The following INO80C variants were observed in gnomAD, a reference collection of about 807,000 sequenced individuals.
INO80C encodes IES6 homolog.
In INO80C, 17 loss-of-function variants were observed where a neutral mutation model predicts 17.7. That is an observed-to-expected ratio of 0.96 (90% CI 0.66 to 1.44). The LOEUF (loss-of-function observed/expected upper bound fraction) is 1.44, where lower values mean the gene tolerates loss of function less well. Among genes scored for constraint, INO80C ranks in the 40% most tolerant of loss-of-function variants. The pLI is 0.00. For synonymous variants in INO80C, 96 were observed against 95.8 expected (o/e 1.00, Z -0.01); for missense variants, 244 against 245.0 (o/e 1.00, Z 0.03).
At chr18:35,494,182 C>T (rs898569437) in intron 1 of INO80C, among the ~76,000 whole-genome samples, 4 of 152,196 alleles carry the variant, frequency 2.6e-5, no homozygotes, top group Non-Finnish European at 5.9e-5. Context: ...TTAGCTTTGG[C>T]TCAAGGTTAG....
At chr18:35,473,808 C>T (rs970828591) in intron 4 of INO80C, among the ~76,000 whole-genome samples, 4 of 152,106 alleles carry the variant, frequency 2.6e-5, no homozygotes, top group Non-Finnish European at 5.9e-5. Flanking sequence ...TTCAGTAAGA[C>T]TGGCAGAGGA....
rs537210629 is a variant in INO80C at position 35,482,116 on chromosome 18, T to C, written c.157-1553A>G. ...CTTGGGCAAATACCTAGGAGTGGAA[T>C]GGTTGGGTTATAGGGTAAGTGTATG... On this transcript the variant is annotated intron_variant, in intron 1 of 4. Coordinates refer to ENST00000334598, the MANE Select transcript of INO80C (RefSeq NM_194281.4). Among the ~76,000 whole-genome samples, 12 of 152,300 alleles carry C rather than the reference T, an allele frequency of 7.9e-5. No individual in the cohort carries two copies. In the South Asian group the frequency reaches 1.0e-3, roughly 13 times the overall value.
At chr18:35,473,443 G>A (rs2045694665) in intron 4 of INO80C, among the ~76,000 whole-genome samples, 1 of 152,168 alleles carries the variant, frequency 6.6e-6, no homozygotes, top group South Asian at 2.1e-4. Flanking sequence ...AGATTCAGGG[G>A]CTACTGAAAC....
At chr18:35,491,029 G>C (rs2045928055) in intron 1 of INO80C, among the ~76,000 whole-genome samples, 1 of 152,170 alleles carries the variant, frequency 6.6e-6, no homozygotes. Context: ...CAAAGTGCTG[G>C]GATTCCAGGT....
In INO80C at chr18:35,497,742, C is replaced by T; in HGVS notation, c.133G>A (p.Ala45Thr). 2 of 1,612,536 alleles carry T rather than the reference C, an allele frequency of 1.2e-6. No homozygotes were observed. The highest frequency in any genetic ancestry group is 1.7e-6 in the Non-Finnish European group (2 of 1,179,442). The change falls in exon 1 of 5, where the codon GCG becomes ACG. Residue 45 changes from alanine (A) to threonine (T), a missense_variant. Coordinates refer to ENST00000334598, the MANE Select transcript of INO80C (RefSeq NM_194281.4). ...GGYGASKKKK[A>T]SASSFAQGIS... ...ACCTGCGCAAAGCTGGAAGCGGACGCTTTTTTCTTCTTACTGGCGCCATAG... is the reference window on the plus strand; with the variant it reads ...ACCTGCGCAAAGCTGGAAGCGGACGTTTTTTTCTTCTTACTGGCGCCATAG...
At chr18:35,483,631 A>G (rs1229101162) in intron 1 of INO80C, 1 of 152,228 alleles carries the variant, frequency 6.6e-6, no homozygotes, top group African/African-American at 2.4e-5. Context: ...TTAACTGATC[A>G]ATGTTAAGGA....
intron 4 of INO80C, among the ~76,000 whole-genome samples, chr18:35,473,391 A>AT (rs1263355231): frequency 6.6e-6 from 1 of 152,182 alleles, no homozygotes; most frequent in Non-Finnish European, 1.5e-5. Flanking sequence ...GCCTGTGACA[A>AT]TTTCCTGACC....
chr18:35,475,282 A>G (rs1019294007), intron 4 of INO80C, among the ~76,000 whole-genome samples: 3 of 152,212 alleles, frequency 2.0e-5, no homozygotes, highest in African/African-American at 7.2e-5. Context: ...ACAACATTTA[A>G]CCACTGACAT....
At chr18:35,497,222 A>T in intron 1 of INO80C, 2 of 481,686 alleles carry the variant, frequency 4.2e-6, no homozygotes, top group Non-Finnish European at 5.4e-6. Context: ...CCCATGAGTT[A>T]AGACCAAACC....
intron 1 of INO80C, among the ~76,000 whole-genome samples, chr18:35,485,296 A>G (rs1029833880): frequency 2.8e-4 from 43 of 152,228 alleles, no homozygotes; most frequent in African/African-American, 9.9e-4. Flanking sequence ...TACTGGACCA[A>G]TTTCAAAAAC....
In INO80C at chr18:35,484,347, T is replaced by C. The variant is rs558349387; in HGVS notation, c.157-3784A>G. 7.0e-4 allele frequency among the ~76,000 whole-genome samples: 106 copies of C among 152,308 alleles called. 1 individual carries two copies. The highest frequency in any genetic ancestry group is 2.2e-3 in the African/African-American group (93 of 41,562). The stretch of plus-strand genomic sequence containing the variant: ...GAAATACATAGAGAGGTGTGGGTAG[T>C]GCAGGTATACACACACATATATTTC... On this transcript the variant is annotated intron_variant, in intron 1 of 4. Coordinates refer to ENST00000334598, the MANE Select transcript of INO80C (RefSeq NM_194281.4).
chr18:35,497,432 C>CCT (rs1256539680), intron 1 of INO80C: 26 of 1,222,038 alleles, frequency 2.1e-5, no homozygotes, highest in Non-Finnish European at 2.6e-5. Flanking sequence ...TAGTCCTGAA[C>CCT]CTCATGCTAA....
chr18:35,493,716 A>G (rs1234859356), intron 1 of INO80C, among the ~76,000 whole-genome samples: 1 of 152,256 alleles, frequency 6.6e-6, no homozygotes, highest in Non-Finnish European at 1.5e-5. Context: ...ATATTTCAGG[A>G]AAGTTAAACC....
chr18:35,469,297 C>T (rs1472105318), intron 4 of INO80C, among the ~76,000 whole-genome samples: 2 of 152,338 alleles, frequency 1.3e-5, no homozygotes, highest in Non-Finnish European at 2.9e-5. Flanking sequence ...TTCTTTGCAA[C>T]GTGCAATTCT....
intron 4 of INO80C, among the ~76,000 whole-genome samples, chr18:35,474,934 T>C (rs1598737674): frequency 6.6e-6 from 1 of 152,100 alleles, no homozygotes; most frequent in African/African-American, 2.4e-5. Flanking sequence ...TCCAAGAGTT[T>C]TGGGACACTA....
intron 1 of INO80C, among the ~76,000 whole-genome samples, chr18:35,490,208 G>A (rs972816203): frequency 6.6e-6 from 1 of 152,136 alleles, no homozygotes; most frequent in African/African-American, 2.4e-5. Flanking sequence ...GGGTGAGCCG[G>A]TCCAAGGAGA....
chr18:35,497,706 C>T lies in INO80C; in HGVS notation c.156+13G>A, dbSNP rs947631151. On this transcript the variant is annotated intron_variant, in intron 1 of 4. Transcript: ENST00000334598. ...GCGACGCGCACGCGCAGCCTGGGAG[C>T]GCGACTGCGTACCTGCGCAAAGCTG... The T allele has an allele frequency of 2.5e-6, 4 of 1,608,242 alleles. No individual in the cohort carries two copies. Among genetic ancestry groups the T allele is most frequent in the Middle Eastern group, 2.0e-4 (1 of 4,988 alleles).
chr18:35,497,405 G>C, intron 1 of INO80C: 1 of 1,115,232 alleles, frequency 9.0e-7, no homozygotes, highest in Non-Finnish European at 1.1e-6. Context: ...GCAAATTTCT[G>C]AATGACTGAC....
At chr18:35,469,411 GTCCTCAGCCTCC>G (rs1451786772) in intron 4 of INO80C, among the ~76,000 whole-genome samples, 1 of 152,118 alleles carries the variant, frequency 6.6e-6, no homozygotes, top group Non-Finnish European at 1.5e-5. Flanking sequence ...GCCTTCCTTT[GTCCTCAGCCTCC>G]TCCTCAGCCA....
Sources: allele counts gnomAD v4.1 joint callset (sites outside exome capture counted in the v4.1 genomes callset), GRCh38; gene constraint gnomAD v4.1.1; transcripts MANE v1.5; gene names NCBI Gene and HGNC (gene_info 2026-07-23, HGNC 2026-07-21).